ROBO2: variants seen among roughly 807,000 people sequenced by gnomAD.
ROBO2 encodes roundabout guidance receptor 2, also known as roundabout homolog 2.
ROBO2 carries 53 observed loss-of-function variants against 160.8 expected under a neutral mutation model. That is an observed-to-expected ratio of 0.33 (90% CI 0.26 to 0.41). The LOEUF (loss-of-function observed/expected upper bound fraction) is 0.41, where lower values mean the gene tolerates loss of function less well. ROBO2 is among the 10% of genes least tolerant of loss of function. The probability of loss-of-function intolerance (pLI) is 1.00; values close to 1 mark genes in which losing one functional copy is unlikely to be tolerated. For synonymous variants in ROBO2, 664 were observed against 611.7 expected, an observed-to-expected ratio of 1.09 and a Z score of -1.26; for missense variants, 1,577 against 1,722.4, an observed-to-expected ratio of 0.92 and a Z score of 1.49.
chr3:76,143,716 T>C (rs1371602782), intron 2 of ROBO2, among the ~76,000 whole-genome samples: 2 of 152,048 alleles, frequency 1.3e-5, no homozygotes, highest in Non-Finnish European at 2.9e-5. Context: ...TATAGATAGA[T>C]TGGTAGATCA....
intron 2 of ROBO2, among the ~76,000 whole-genome samples, chr3:76,216,660 C>G (rs1350260752): frequency 6.6e-6 from 1 of 152,154 alleles, no homozygotes; most frequent in Non-Finnish European, 1.5e-5. Context: ...ATTCATAAAG[C>G]AAGTCCTTAG....
At chr3:76,842,119 G>A (rs999213896) in intron 2 of ROBO2, among the ~76,000 whole-genome samples, 45 of 152,316 alleles carry the variant, frequency 3.0e-4, no homozygotes, top group African/African-American at 1.1e-3. Context: ...TGGCTAAATA[G>A]AATCAATGAC....
rs184682054 is a variant in ROBO2, at chr3:76,266,429, C to A, written c.109+328827C>A. The stretch of plus-strand genomic sequence containing the variant: ...TATCTATAACTACTCTCACATCACA[C>A]AGGGCATAGTAAAGTATCTGCCCTT... On this transcript the variant is annotated intron_variant, in intron 2 of 26. Transcript: ENST00000487694. Among the ~76,000 whole-genome samples the A allele has an allele frequency of 3.3e-3, 499 of 152,260 alleles. 3 individuals carry two copies. Among genetic ancestry groups the A allele is most frequent in the African/African-American group, 0.012 (482 of 41,578 alleles).
At chr3:76,095,468 A>C (rs2069402463) in intron 2 of ROBO2, among the ~76,000 whole-genome samples, 1 of 152,164 alleles carries the variant, frequency 6.6e-6, no homozygotes, top group South Asian at 2.1e-4. Flanking sequence ...CAAATAAGAC[A>C]AGCATAGGTT....
intron 2 of ROBO2, among the ~76,000 whole-genome samples, chr3:76,470,906 C>G (rs370304338): frequency 4.1e-4 from 63 of 152,180 alleles, no homozygotes; most frequent in Middle Eastern, 6.8e-3. Flanking sequence ...TATACATACA[C>G]TTGGCTGCAT....
chr3:76,400,723 A>G (rs956857148), intron 2 of ROBO2, among the ~76,000 whole-genome samples: 21 of 151,686 alleles, frequency 1.4e-4, no homozygotes, highest in Middle Eastern at 3.4e-3. Flanking sequence ...AAACTTGCTC[A>G]TTCAATATCT....
At chr3:76,649,833 G>T (rs1357395069) in intron 2 of ROBO2, among the ~76,000 whole-genome samples, 3 of 151,948 alleles carry the variant, frequency 2.0e-5, no homozygotes, top group East Asian at 1.9e-4. Context: ...AAGAGAAAAG[G>T]CACGACTCTT....
chr3:77,200,506 G>A (rs1027670488), intron 2 of ROBO2, among the ~76,000 whole-genome samples: 2 of 151,248 alleles, frequency 1.3e-5, no homozygotes, highest in Admixed American at 6.6e-5. Context: ...TCATACAAAA[G>A]TTTTCCAAAA....
chr3:76,763,238 T>C (rs1050619120), intron 2 of ROBO2, among the ~76,000 whole-genome samples: 1 of 151,740 alleles, frequency 6.6e-6, no homozygotes, highest in Non-Finnish European at 1.5e-5. Flanking sequence ...GTTGAAAGCA[T>C]TTGTCTAATG....
intron 2 of ROBO2, among the ~76,000 whole-genome samples, chr3:76,606,935 T>C (rs1296474551): frequency 6.6e-6 from 1 of 152,232 alleles, no homozygotes; most frequent in Non-Finnish European, 1.5e-5. Flanking sequence ...ATATTTTTCA[T>C]GATTTTACAT....
chr3:76,844,184 C>T (rs984978035), intron 2 of ROBO2, among the ~76,000 whole-genome samples: 1 of 151,904 alleles, frequency 6.6e-6, no homozygotes, highest in Non-Finnish European at 1.5e-5. Context: ...CTTCATGCAA[C>T]GTCATTTGCA....
chr3:77,328,222 C>A (rs548203112), intron 2 of ROBO2, among the ~76,000 whole-genome samples: 1 of 151,990 alleles, frequency 6.6e-6, no homozygotes, highest in African/African-American at 2.4e-5. Flanking sequence ...CTGCTGCGCC[C>A]ATGATGCAGT....
intron 2 of ROBO2, among the ~76,000 whole-genome samples, chr3:76,825,483 C>T (rs944023397): frequency 2.6e-5 from 4 of 151,598 alleles, no homozygotes; most frequent in Non-Finnish European, 5.9e-5. Flanking sequence ...CTGTTTTCCC[C>T]AGTGTTTTAA....
chr3:77,413,197 G>A (rs2076941896), intron 2 of ROBO2, among the ~76,000 whole-genome samples: 1 of 151,776 alleles, frequency 6.6e-6, no homozygotes, highest in African/African-American at 2.4e-5. Flanking sequence ...GGCAAATAAA[G>A]AAAACATAAT....
chr3:77,381,068 C>T (rs563847288), intron 2 of ROBO2, among the ~76,000 whole-genome samples: 1 of 152,302 alleles, frequency 6.6e-6, no homozygotes, highest in Admixed American at 6.5e-5. Flanking sequence ...GTAATCCCAG[C>T]ACTTTGGGAG....
intron 2 of ROBO2, among the ~76,000 whole-genome samples, chr3:77,295,147 A>G (rs1420490736): frequency 6.7e-6 from 1 of 149,942 alleles, no homozygotes; most frequent in Non-Finnish European, 1.5e-5. Flanking sequence ...ATAAAGTAAA[A>G]TTGACGGTTA....
chr3:76,793,814 C>T (rs972127485), intron 2 of ROBO2, among the ~76,000 whole-genome samples: 3 of 151,852 alleles, frequency 2.0e-5, no homozygotes, highest in Admixed American at 6.6e-5. Flanking sequence ...CTCCAATCTG[C>T]CTTTTACTCT....
chr3:76,107,558 G>A (rs746302619), intron 2 of ROBO2, among the ~76,000 whole-genome samples: 6 of 151,846 alleles, frequency 4.0e-5, no homozygotes, highest in Admixed American at 6.6e-5. Flanking sequence ...CATTTGCATA[G>A]CATTTTTCCC....
chr3:77,461,875 G>C (rs1207886010), intron 2 of ROBO2, among the ~76,000 whole-genome samples: 1 of 151,860 alleles, frequency 6.6e-6, no homozygotes, highest in Non-Finnish European at 1.5e-5. Flanking sequence ...ACAGGCCCGT[G>C]CCACCACACC....
Sources: allele counts gnomAD v4.1 joint callset (sites outside exome capture counted in the v4.1 genomes callset), GRCh38; gene constraint gnomAD v4.1.1; transcripts MANE v1.5; gene names NCBI Gene and HGNC (gene_info 2026-07-23, HGNC 2026-07-21).